Variants in PTPRD observed in about 807,000 individuals in gnomAD.
PTPRD encodes the protein protein tyrosine phosphatase receptor type D.
A neutral mutation model predicts 214.5 loss-of-function variants in PTPRD; 34 were observed. That is an observed-to-expected ratio of 0.16 (90% CI 0.12 to 0.21). The LOEUF is 0.21. Ranked by LOEUF, PTPRD falls within the 10% of genes least tolerant of loss-of-function variation. PTPRD has a pLI of 1.00. For missense variants in PTPRD, 2,545 were observed against 2,398.7 expected (o/e 1.06, Z -1.27); for synonymous variants, 1,128 against 845.7 (o/e 1.33, Z -5.79).
intron 2 of PTPRD, among the ~76,000 whole-genome samples, chr9:10,546,430 A>C (rs1044310247): frequency 1.3e-5 from 2 of 152,050 alleles, no homozygotes; most frequent in African/African-American, 4.8e-5. Flanking sequence ...AGCAAACTTT[A>C]GTTTATTGCT....
At chr9:9,226,282 C>T (rs969294202) in intron 9 of PTPRD, among the ~76,000 whole-genome samples, 3 of 151,766 alleles carry the variant, frequency 2.0e-5, no homozygotes, top group African/African-American at 7.3e-5. Context: ...GACATGCTTG[C>T]TGGCCTCAGA....
At chr9:10,345,272 CT>C (rs978687664) in intron 2 of PTPRD, among the ~76,000 whole-genome samples, 2 of 151,880 alleles carry the variant, frequency 1.3e-5, no homozygotes, top group Non-Finnish European at 2.9e-5. Context: ...AACATTTTTT[CT>C]TTTTTTAAAT....
chr9:8,465,757 C>T (rs1245168759), intron 31 of PTPRD, 82 bp from the exon 32 acceptor site: 1 of 1,244,252 alleles, frequency 8.0e-7, no homozygotes, highest in East Asian at 2.5e-5. Context: ...TAAATTAATT[C>T]AGAACTGGGA....
chr9:9,899,405 T>C (rs1419861991), intron 5 of PTPRD, among the ~76,000 whole-genome samples: 1 of 152,142 alleles, frequency 6.6e-6, no homozygotes, highest in East Asian at 1.9e-4. Flanking sequence ...TGTGAATCGA[T>C]ATTTCTGTAA....
intron 3 of PTPRD, among the ~76,000 whole-genome samples, chr9:10,334,632 C>A (rs530615738): frequency 4.0e-5 from 6 of 151,442 alleles, no homozygotes; most frequent in East Asian, 2.0e-4. Context: ...TCTTTGCTTG[C>A]GGATGACAAG....
At chr9:8,822,034 C>T (rs950808090) in intron 11 of PTPRD, among the ~76,000 whole-genome samples, 1 of 152,186 alleles carries the variant, frequency 6.6e-6, no homozygotes, top group Non-Finnish European at 1.5e-5. Context: ...GGATTTGTTG[C>T]CACCACTTTG....
intron 5 of PTPRD, among the ~76,000 whole-genome samples, chr9:9,891,069 T>C (rs978677456): frequency 6.6e-6 from 1 of 152,148 alleles, no homozygotes; most frequent in Admixed American, 6.6e-5. Context: ...TTTCATTGAC[T>C]GAAGCTTGGT....
chr9:9,006,465 G>A (rs768345069), intron 11 of PTPRD, among the ~76,000 whole-genome samples: 2 of 151,968 alleles, frequency 1.3e-5, no homozygotes, highest in Non-Finnish European at 2.9e-5. Flanking sequence ...AAAGACTAAC[G>A]TTATTCTGAA....
intron 10 of PTPRD, among the ~76,000 whole-genome samples, chr9:9,138,279 T>C (rs10119012): frequency 0.054 from 8,189 of 152,180 alleles, 451 homozygotes; most frequent in African/African-American, 0.13. Context: ...TAAATAGGGA[T>C]ATAATATTGA....
intron 10 of PTPRD, among the ~76,000 whole-genome samples, chr9:9,095,724 C>T (rs1462996466): frequency 6.6e-6 from 1 of 152,146 alleles, no homozygotes; most frequent in African/African-American, 2.4e-5. Flanking sequence ...AATAGAACTA[C>T]CATATGACTC....
intron 3 of PTPRD, among the ~76,000 whole-genome samples, chr9:10,105,935 C>T (rs2098625986): frequency 7.4e-6 from 1 of 135,276 alleles, no homozygotes; most frequent in African/African-American, 2.8e-5. Flanking sequence ...TTGGCCAAAG[C>T]AAGTCATATG....
At chr9:10,089,244 T>C (rs574522646) in intron 3 of PTPRD, among the ~76,000 whole-genome samples, 26 of 96,930 alleles carry the variant, frequency 2.7e-4, no homozygotes, top group African/African-American at 1.0e-3. Context: ...TAAATAGAAA[T>C]AAAATGATGA....
chr9:10,057,521 T>A (rs1347652135), intron 3 of PTPRD, among the ~76,000 whole-genome samples: 1 of 152,006 alleles, frequency 6.6e-6, no homozygotes, highest in Non-Finnish European at 1.5e-5. Context: ...CCCTAAACAT[T>A]TGGAGTATTC....
intron 9 of PTPRD, among the ~76,000 whole-genome samples, chr9:9,286,485 C>T (rs1301452981): frequency 6.6e-6 from 1 of 151,772 alleles, no homozygotes; most frequent in Non-Finnish European, 1.5e-5. Context: ...TATCGCAGAA[C>T]TCATAATGTC....
intron 14 of PTPRD, among the ~76,000 whole-genome samples, chr9:8,579,471 G>A (rs757338346): frequency 6.6e-5 from 10 of 152,074 alleles, no homozygotes; most frequent in East Asian, 1.9e-4. Context: ...TTCATTCCAC[G>A]TTCATTTGTT....
intron 12 of PTPRD, among the ~76,000 whole-genome samples, chr9:8,646,731 A>G (rs550682703): frequency 2.0e-5 from 3 of 152,274 alleles, no homozygotes; most frequent in South Asian, 2.1e-4. Context: ...TATTTTAAGC[A>G]CATGTGTTTT....
intron 11 of PTPRD, among the ~76,000 whole-genome samples, chr9:8,966,800 A>G (rs2154327248): frequency 6.6e-6 from 1 of 152,292 alleles, no homozygotes; most frequent in South Asian, 2.1e-4. Context: ...AAAAGAAACT[A>G]TCAACAGAGT....
intron 10 of PTPRD, among the ~76,000 whole-genome samples, chr9:9,061,959 G>A (rs1247368387): frequency 2.0e-5 from 3 of 151,870 alleles, no homozygotes; most frequent in Non-Finnish European, 4.4e-5. Context: ...ACCAAGAACC[G>A]ACTGTGGGAG....
chr9:9,906,787 C>T (rs2077690609), intron 5 of PTPRD, among the ~76,000 whole-genome samples: 2 of 151,856 alleles, frequency 1.3e-5, no homozygotes, highest in Non-Finnish European at 2.9e-5. Context: ...TTGTTACAGA[C>T]CACTGTTAGT....
Sources: allele counts gnomAD v4.1 joint callset (sites outside exome capture counted in the v4.1 genomes callset), GRCh38; gene constraint gnomAD v4.1.1; transcripts MANE v1.5; gene names NCBI Gene and HGNC (gene_info 2026-07-23, HGNC 2026-07-21).